Variants in PLRG1 observed in about 807,000 individuals in gnomAD.
PLRG1 encodes pleiotropic regulator 1.
Under a neutral mutation model 74.9 loss-of-function variants are expected in PLRG1, and 28 were observed. The observed-to-expected ratio is 0.37, with a 90% CI of 0.28 to 0.51. The LOEUF (loss-of-function observed/expected upper bound fraction) is 0.51, where lower values mean the gene tolerates loss of function less well. Ranked by LOEUF, PLRG1 falls within the 20% of genes least tolerant of loss-of-function variation. The pLI is 0.91. For synonymous variants in PLRG1, 197 were observed against 212.4 expected (o/e 0.93, Z 0.63); for missense variants, 445 against 631.9 (o/e 0.70, Z 3.17).
intron 7 of PLRG1, 61 bp downstream of exon 7, chr4:154,544,384 G>C: frequency 1.1e-6 from 1 of 947,774 alleles, no homozygotes; most frequent in South Asian, 1.3e-5. Context: ...CTATTCTTCA[G>C]TGCTTGTCAA....
At chr4:154,550,232 C>A in intron 1 of PLRG1, 68 bp downstream of exon 1, 1 of 1,367,158 alleles carries the variant, frequency 7.3e-7, no homozygotes, top group Non-Finnish European at 1.0e-6. Flanking sequence ...CTCTCAATCC[C>A]CCACGCGCAC....
chr4:154,545,410 T>C (rs1408184912), intron 6 of PLRG1, among the ~76,000 whole-genome samples: 2 of 152,148 alleles, frequency 1.3e-5, no homozygotes. Flanking sequence ...TACAAACAGA[T>C]AAACTTATTT....
At chr4:154,539,888 A>G (rs946604033) in intron 11 of PLRG1, 63 bp downstream of exon 11, 11 of 821,134 alleles carry the variant, frequency 1.3e-5, no homozygotes, top group Non-Finnish European at 2.2e-5. Context: ...TATTAAAAGT[A>G]TATGTATAAT....
At chr4:154,544,632 G>A in intron 6 of PLRG1, 86 bp from the exon 7 acceptor site, 31 of 701,946 alleles carry the variant, frequency 4.4e-5, no homozygotes, top group South Asian at 9.4e-5. Context: ...ATGGAAAGAG[G>A]GAACTTACAA....
chr4:154,549,128 G>T, intron 1 of PLRG1, 193 bp from the exon 2 acceptor site: 1 of 579,142 alleles, frequency 1.7e-6, no homozygotes, highest in South Asian at 1.6e-5. Flanking sequence ...AGAACCTCAG[G>T]TTTAGCAACT....
rs1368675606 is a variant in PLRG1 at position 154,536,405 on chromosome 4, G to A, written c.*280C>T. The A allele has an allele frequency of 8.3e-6, 2 of 240,934 alleles. No individual in the cohort carries two copies. Among genetic ancestry groups the A allele is most frequent in the Non-Finnish European group, 1.6e-5 (2 of 127,782 alleles). 14.9% of individuals were successfully genotyped at this position (240,934 alleles called of 1,614,324 possible). A position where few individuals can be genotyped will look rare whatever the true frequency, so the allele number is the denominator to read the frequency against. ...AAAAAGGGGGTTTTCTAATAAGACT[G>A]TCAAAATATTACATCTAGAATAGTT... On this transcript the variant is annotated 3_prime_UTR_variant, in exon 15 of 15. Coordinates refer to ENST00000499023, the MANE Select transcript of PLRG1 (RefSeq NM_002669.4).
At position 154,546,134 on chromosome 4, in the gene PLRG1, A is replaced by C; in HGVS notation, c.393T>G (p.Pro131=). 6.3e-7 allele frequency: 1 copy of C among 1,579,408 alleles called. No individual in the cohort carries two copies. The highest frequency in any genetic ancestry group is 8.7e-7 in the Non-Finnish European group (1 of 1,150,496). Residue 131 remains proline, a synonymous_variant, in exon 5 of 15, where the codon CCT becomes CCG. Coordinates refer to ENST00000499023, the MANE Select transcript of PLRG1 (RefSeq NM_002669.4). ...SAAQSLAVAL[P]LQTKADANRT... is the part of the protein sequence containing the mutation. ...ATAATATTTCATACTTGGTCTGCAA[A>C]GGTAATGCCACCGCTAAGGACTGTG...
chr4:154,539,725 C>A (rs1016139105), intron 11 of PLRG1, among the ~76,000 whole-genome samples: 35 of 151,912 alleles, frequency 2.3e-4, no homozygotes, highest in Non-Finnish European at 4.6e-4. Flanking sequence ...TCAGACATTA[C>A]AGGATACTAT....
chr4:154,536,659 A>C lies in PLRG1; in HGVS notation c.*26T>G, dbSNP rs140279149. 7.9e-7 allele frequency: 1 copy of C among 1,267,364 alleles called. No individual in the cohort carries two copies. Among genetic ancestry groups the C allele is most frequent in the South Asian group, 1.3e-5 (1 of 76,686 alleles). 78.5% of individuals were successfully genotyped at this position (1,267,364 alleles called of 1,614,324 possible). A position where few individuals can be genotyped will look rare whatever the true frequency, so the allele number is the denominator to read the frequency against. ...TTTTTTTTAATTAAAAAGAAAAAAAAAGAGAGAGAAAAAATTCCACATTCA... is the reference window on the plus strand; with the variant it reads ...TTTTTTTTAATTAAAAAGAAAAAAACAGAGAGAGAAAAAATTCCACATTCA... On this transcript the variant is annotated 3_prime_UTR_variant, in exon 15 of 15. Transcript: ENST00000499023.
chr4:154,544,917 T>C lies in PLRG1; in HGVS notation c.493-371A>G, dbSNP rs75496776. 4.1e-3 allele frequency among the ~76,000 whole-genome samples: 624 copies of C among 152,360 alleles called. 3 individuals carry two copies. Among genetic ancestry groups the C allele is most frequent in the Non-Finnish European group, 6.8e-3 (466 of 68,030 alleles). On this transcript the variant is annotated intron_variant, in intron 6 of 14. Coordinates refer to ENST00000499023, the MANE Select transcript of PLRG1 (RefSeq NM_002669.4). ...GTAAATGCTCCATGTAAGCTCCCAA[T>C]ATTAAAGTCATTTTAAGTGTATTAG... is the stretch of plus-strand genomic sequence containing the variant.
Position 154,536,761 on chromosome 4 carries a change from G to A in PLRG1, c.1486-17C>T. ...TTCTTCTGTCTAAAAATAGAAAAGT[G>A]AGTTAAAATAAAGTATTATTAGTTT... On this transcript the variant is annotated splice_polypyrimidine_tract_variant and intron_variant, in intron 14 of 14. Transcript: ENST00000499023. 3 of 1,384,496 alleles carry A rather than the reference G, an allele frequency of 2.2e-6. No individual in the cohort carries two copies. The highest frequency in any genetic ancestry group is 1.3e-5 in the South Asian group (1 of 78,164). The allele number at this position is 1,384,496 out of a possible 1,614,324, so 85.8% of individuals were successfully genotyped here.
Position 154,536,651 on chromosome 4 carries a change from G to GAA in PLRG1, c.*32_*33dup. ...AAGCTTTTTTTTTTTTAATTAAAAA[G>GAA]AAAAAAAAAGAGAGAGAAAAAATTC... On this transcript the variant is annotated 3_prime_UTR_variant, in exon 15 of 15. Transcript: ENST00000499023. The GAA allele has an allele frequency of 1.9e-6, 2 of 1,055,606 alleles. No homozygotes were observed. Among genetic ancestry groups the GAA allele is most frequent in the Non-Finnish European group, 2.8e-6 (2 of 720,112 alleles). The allele number at this position is 1,055,606 out of a possible 1,614,324, so 65.4% of individuals were successfully genotyped here.
intron 7 of PLRG1, among the ~76,000 whole-genome samples, chr4:154,543,146 TTTTC>T (rs772548572): frequency 1.6e-4 from 24 of 152,112 alleles, no homozygotes; most frequent in Admixed American, 1.2e-3. Flanking sequence ...CACTGTATGT[TTTTC>T]TTTGTTTTTT....
chr4:154,540,555 A>T, intron 10 of PLRG1, 39 bp downstream of exon 10: 1 of 1,331,002 alleles, frequency 7.5e-7, no homozygotes, highest in Non-Finnish European at 1.1e-6. Flanking sequence ...ACAAGATGCA[A>T]TATATTTACA....
chr4:154,547,949 T>C, intron 2 of PLRG1, 96 bp from the exon 3 acceptor site: 4 of 902,070 alleles, frequency 4.4e-6, no homozygotes, highest in Non-Finnish European at 6.6e-6. Flanking sequence ...AAGTTTCTAG[T>C]ATGATTTTAA....
intron 8 of PLRG1, among the ~76,000 whole-genome samples, chr4:154,541,429 A>G (rs1171085020): frequency 6.6e-6 from 1 of 152,190 alleles, no homozygotes; most frequent in African/African-American, 2.4e-5. Flanking sequence ...CCCATTTGGA[A>G]AGTAATTTGT....
intron 2 of PLRG1, among the ~76,000 whole-genome samples, 165 bp from the exon 3 acceptor site, chr4:154,548,018 T>A (rs1452288561): frequency 6.6e-6 from 1 of 152,232 alleles, no homozygotes; most frequent in Non-Finnish European, 1.5e-5. Context: ...TCTGTTCTTT[T>A]GCTTACATTC....
chr4:154,547,884 T>C, intron 2 of PLRG1, 31 bp from the exon 3 acceptor site: 5 of 1,528,934 alleles, frequency 3.3e-6, no homozygotes, highest in Non-Finnish European at 4.5e-6. Flanking sequence ...TAAGAACGTA[T>C]CCATAAATAC....
In PLRG1 at chr4:154,537,981, G is replaced by C; in HGVS notation, c.1279C>G (p.Leu427Val). 1 of 1,493,546 alleles carries C rather than the reference G, an allele frequency of 6.7e-7. No homozygotes were observed. 92.5% of individuals were successfully genotyped at this position (1,493,546 alleles called of 1,614,324 possible). The change falls in exon 13 of 15, where the codon CTT becomes GTT. Residue 427 changes from leucine to valine, a missense_variant. By Grantham distance (32) the Leu-to-Val change is conservative. Transcript: ENST00000499023. ...NTLTVNSDGV[L>V]VSGADNGTMH... ...AATCTTATTTTACCTCCAGATACAA[G>C]CACTCCATCAGAATTTACCGTCAAT...
Sources: gnomAD v4.1 joint callset for allele counts (sites outside exome capture counted in the v4.1 genomes callset) on GRCh38, gnomAD v4.1.1 for gene constraint, MANE v1.5 for transcripts, NCBI Gene and HGNC (gene_info 2026-07-23, HGNC 2026-07-21) for gene names.